The following METTL21C variants were observed in gnomAD, a reference collection of about 807,000 sequenced individuals.
METTL21C encodes protein-lysine methyltransferase METTL21C.
METTL21C carries 21 observed loss-of-function variants against 25.9 expected under a neutral mutation model. The observed-to-expected ratio is 0.81, with a 90% CI of 0.58 to 1.17. METTL21C has a LOEUF of 1.17. METTL21C is among the 50% of genes most tolerant of loss of function. METTL21C has a pLI of 0.00. For synonymous variants in METTL21C, 125 were observed against 124.7 expected (o/e 1.00, Z -0.01); for missense variants, 312 against 315.1 (o/e 0.99, Z 0.07).
intron 2 of METTL21C, among the ~76,000 whole-genome samples, chr13:102,689,048 A>T (rs1165426098): frequency 6.6e-6 from 1 of 152,108 alleles, no homozygotes; most frequent in Non-Finnish European, 1.5e-5. Flanking sequence ...TTCAGAATAA[A>T]ACAGGGGGAC....
the METTL21C span, among the ~76,000 whole-genome samples, chr13:102,703,335 G>A: frequency 4.6e-4 from 70 of 152,190 alleles, no homozygotes; most frequent in African/African-American, 1.7e-3. Context: ...CCGTAGCCAG[G>A]CCTGCAGGCC....
At chr13:102,692,226 G>A (rs1885849400) in intron 1 of METTL21C, among the ~76,000 whole-genome samples, 1 of 152,166 alleles carries the variant, frequency 6.6e-6, no homozygotes, top group Non-Finnish European at 1.5e-5. Context: ...GGCAGGAGGA[G>A]GTGAATACGA....
upstream of METTL21C, among the ~76,000 whole-genome samples, chr13:102,696,115 A>G (rs1885943287): frequency 1.3e-5 from 2 of 152,150 alleles, no homozygotes; most frequent in African/African-American, 2.4e-5. Context: ...ACTTTTTTAA[A>G]GCTATTTTAC....
At chr13:102,703,076 A>G in the METTL21C span, among the ~76,000 whole-genome samples, 1 of 152,226 alleles carries the variant, frequency 6.6e-6, no homozygotes. Context: ...CTTCAAATAA[A>G]TACTCTCATT....
chr13:102,686,120 T>C lies in METTL21C; in HGVS notation c.706A>G (p.Lys236Glu). 1.9e-6 allele frequency: 3 copies of C among 1,614,060 alleles called. No individual in the cohort carries two copies. Among genetic ancestry groups the C allele is most frequent in the South Asian group, 1.1e-5 (1 of 91,066 alleles). Residue 236 changes from lysine (K) to glutamate (E), a missense_variant, in exon 4 of 4, where the codon AAA (lysine) becomes GAA (glutamate). Lys to Glu is a moderately conservative substitution (Grantham distance 56). Coordinates refer to ENST00000267273, the MANE Select transcript of METTL21C (RefSeq NM_001010977.3). Reference protein sequence around the residue: ...RFSTDYEFLDKFKQVFDTTLL... With the variant: ...RFSTDYEFLDEFKQVFDTTLL... ...GTTGTGTCAAAAACTTGCTTGAATT[T>C]ATCTAAAAATTCATAGTCGGTGCTG...
the METTL21C span, among the ~76,000 whole-genome samples, chr13:102,703,046 T>C: frequency 6.6e-6 from 1 of 152,242 alleles, no homozygotes; most frequent in Non-Finnish European, 1.5e-5. Context: ...GATCTTTCCC[T>C]GTAATTGATG....
chr13:102,691,086 T>C lies in METTL21C; in HGVS notation c.131-122A>G, dbSNP rs773859974. The C allele has an allele frequency of 2.1e-4, 237 of 1,113,192 alleles. 1 individual carries two copies. Among genetic ancestry groups the C allele is most frequent in the Non-Finnish European group, 3.0e-4 (233 of 778,778 alleles). The allele number at this position is 1,113,192 out of a possible 1,614,324, so 69.0% of individuals were successfully genotyped here. A position where few individuals can be genotyped will look rare whatever the true frequency, so the allele number is the denominator to read the frequency against. On this transcript the variant is annotated intron_variant, in intron 1 of 3. Coordinates refer to ENST00000267273, the MANE Select transcript of METTL21C (RefSeq NM_001010977.3). ...ACCTTTACATAAAGAGAAGGGATGA[T>C]GCTATCAAGGAGAACGGCTGCAAAT... is the stretch of plus-strand genomic sequence containing the variant.
intron 1 of METTL21C, among the ~76,000 whole-genome samples, chr13:102,692,907 C>A (rs1424994810): frequency 2.6e-5 from 4 of 152,182 alleles, no homozygotes; most frequent in African/African-American, 9.7e-5. Context: ...TAGCAGAACC[C>A]CAGCTCCCAA....
chr13:102,697,393 A>G (rs1047746927), upstream of METTL21C, among the ~76,000 whole-genome samples: 2 of 152,154 alleles, frequency 1.3e-5, no homozygotes, highest in East Asian at 3.9e-4. Flanking sequence ...AGGATGCTGC[A>G]AAACCTCCTA....
rs773775759 is a variant in METTL21C at position 102,686,960 on chromosome 13, G to C, written c.380C>G (p.Ser127Cys). The C allele has an allele frequency of 6.2e-7, 1 of 1,613,822 alleles. No homozygotes were observed. Among genetic ancestry groups the C allele is most frequent in the East Asian group, 2.2e-5 (1 of 44,894 alleles). Residue 127 changes from serine (S) to cysteine (C), a missense_variant, in exon 3 of 4, where the codon TCC becomes TGC. By Grantham distance (112) the Ser-to-Cys change is moderately radical. Coordinates refer to ENST00000267273, the MANE Select transcript of METTL21C (RefSeq NM_001010977.3). ...LEIGAGPGLV[S>C]IVASILGAQV... is the part of the protein sequence containing the mutation. ...CAAACCTAAAATACTGGCCACAATG[G>C]AAACAAGGCCTGGTCCGGCACCAAT...
chr13:102,694,196 A>G (rs1328111984), intron 1 of METTL21C, among the ~76,000 whole-genome samples, 173 bp downstream of exon 1: 1 of 152,176 alleles, frequency 6.6e-6, no homozygotes, highest in Non-Finnish European at 1.5e-5. Flanking sequence ...TAAATAATGA[A>G]AAAACAGGAA....
At chr13:102,701,809 G>T in the METTL21C span, among the ~76,000 whole-genome samples, 2 of 152,122 alleles carry the variant, frequency 1.3e-5, no homozygotes, top group African/African-American at 2.4e-5. Flanking sequence ...CATCTTGAAA[G>T]ATATATAAAA....
At chr13:102,701,493 C>T in the METTL21C span, among the ~76,000 whole-genome samples, 4 of 152,214 alleles carry the variant, frequency 2.6e-5, no homozygotes, top group Admixed American at 1.3e-4. Context: ...CACCTTCTCA[C>T]GGACAACCAC....
At chr13:102,701,299 C>T in the METTL21C span, among the ~76,000 whole-genome samples, 1 of 152,154 alleles carries the variant, frequency 6.6e-6, no homozygotes, top group Non-Finnish European at 1.5e-5. Flanking sequence ...CTCTTCAGCT[C>T]TGGGGTTCTG....
Position 102,694,900 on chromosome 13 carries a change from T to TCTCTCTCACA in METTL21C, c.-403_-402insTGTGAGAGAG, listed in dbSNP as rs1262985773. 1.5e-5 allele frequency among the ~76,000 whole-genome samples: 2 copies of TCTCTCTCACA among 135,578 alleles called. No homozygotes were observed. Among genetic ancestry groups the TCTCTCTCACA allele is most frequent in the Non-Finnish European group, 3.1e-5 (2 of 64,186 alleles). 88.9% of individuals were successfully genotyped at this position (135,578 alleles called of 152,430 possible). A position where few individuals can be genotyped will look rare whatever the true frequency, so the allele number is the denominator to read the frequency against. On this transcript the variant is annotated 5_prime_UTR_variant, in exon 1 of 4. It removes the in-frame stop codon of an upstream open reading frame in the 5' UTR. Coordinates refer to ENST00000267273, the MANE Select transcript of METTL21C (RefSeq NM_001010977.3). ...CTCTCTCTCTCTCTCTCTCTCTCTC[T>TCTCTCTCACA]CACACACACACACACACACACACAC...
chr13:102,697,877 G>C (rs1885971465), upstream of METTL21C, among the ~76,000 whole-genome samples: 2 of 152,130 alleles, frequency 1.3e-5, no homozygotes, highest in Admixed American at 1.3e-4. Context: ...AACCCCATGG[G>C]GAGACACTGG....
rs113287958 is a variant in METTL21C at position 102,686,388 on chromosome 13, C to G, written c.438G>C (p.Leu146=). The G allele has an allele frequency of 1.4e-5, 22 of 1,613,594 alleles. No individual in the cohort carries two copies. The highest frequency in any genetic ancestry group is 1.9e-5 in the Non-Finnish European group (22 of 1,179,750). Residue 146 remains leucine, a synonymous_variant, in exon 4 of 4, where the codon CTG becomes CTC. Transcript: ENST00000267273. ...TTAAAAGATTGTATTGAAGGTTTCC[C>G]AGGACATCAGGCAAATCTGTTGCTG... ...QVTATDLPDV[L]GNLQYNLLKN...
intron 2 of METTL21C, among the ~76,000 whole-genome samples, chr13:102,690,004 C>A (rs1450344739): frequency 6.6e-6 from 1 of 152,184 alleles, no homozygotes; most frequent in East Asian, 1.9e-4. Context: ...GCTTTTCTGA[C>A]TAAAAATCCA....
At chr13:102,702,985 C>T in the METTL21C span, among the ~76,000 whole-genome samples, 2 of 152,102 alleles carry the variant, frequency 1.3e-5, no homozygotes, top group African/African-American at 4.8e-5. Context: ...TCCAAAGTAC[C>T]ATGGAATAAA....
Sources: allele counts gnomAD v4.1 joint callset (sites outside exome capture counted in the v4.1 genomes callset), GRCh38; gene constraint gnomAD v4.1.1; transcripts MANE v1.5; gene names NCBI Gene and HGNC (gene_info 2026-07-23, HGNC 2026-07-21).